Variants in ERG observed in about 807,000 individuals in gnomAD.
ERG encodes the protein ETS transcription factor ERG.
A neutral mutation model predicts 55.3 loss-of-function variants in ERG; 9 were observed. That is an observed-to-expected ratio of 0.16 (90% CI 0.10 to 0.28). The LOEUF is 0.28. ERG is among the 10% of genes least tolerant of loss of function. The probability of loss-of-function intolerance (pLI) is 1.00; values close to 1 mark genes in which losing one functional copy is unlikely to be tolerated. For missense variants in ERG, 434 were observed against 631.6 expected (o/e 0.69, Z 3.35); for synonymous variants, 223 against 237.3 (o/e 0.94, Z 0.55).
At chr21:38,642,343 G>C (rs2060430255) in intron 1 of ERG, among the ~76,000 whole-genome samples, 1 of 152,182 alleles carries the variant, frequency 6.6e-6, no homozygotes, top group African/African-American at 2.4e-5. Context: ...TTGTTCATCT[G>C]TATGCTCACG....
intron 2 of ERG, among the ~76,000 whole-genome samples, chr21:38,533,282 C>T (rs1024810213): frequency 1.3e-5 from 2 of 152,122 alleles, no homozygotes; most frequent in Non-Finnish European, 2.9e-5. Flanking sequence ...CAGTCATTCT[C>T]TTATGTAAAT....
chr21:38,427,161 T>A (rs947856181), intron 2 of ERG, among the ~76,000 whole-genome samples: 7 of 152,142 alleles, frequency 4.6e-5, no homozygotes. Flanking sequence ...GGCAGGCAGA[T>A]CACTTGAGGC....
At chr21:38,553,410 A>T (rs753534391) in intron 2 of ERG, among the ~76,000 whole-genome samples, 8 of 152,216 alleles carry the variant, frequency 5.3e-5, no homozygotes, top group Non-Finnish European at 1.0e-4. Flanking sequence ...AAGCTGAAGT[A>T]TCACACTACC....
At chr21:38,610,554 G>C (rs1003493384) in intron 1 of ERG, among the ~76,000 whole-genome samples, 15 of 147,374 alleles carry the variant, frequency 1.0e-4, no homozygotes, top group African/African-American at 4.0e-4. Context: ...TGTGTGTTTA[G>C]CAAGAGGGGC....
At chr21:38,438,945 C>T (rs2058815932) in intron 2 of ERG, among the ~76,000 whole-genome samples, 1 of 152,256 alleles carries the variant, frequency 6.6e-6, no homozygotes, top group Admixed American at 6.5e-5. Context: ...TAAGAAGCCG[C>T]ATCTCAAACA....
chr21:38,573,691 A>G (rs1012429269), intron 2 of ERG, among the ~76,000 whole-genome samples: 1 of 152,250 alleles, frequency 6.6e-6, no homozygotes, highest in Non-Finnish European at 1.5e-5. Flanking sequence ...AAATAATGAA[A>G]ATAATAATCA....
At chr21:38,588,899 A>T (rs563382992), upstream of ERG, among the ~76,000 whole-genome samples, 142 of 45,056 alleles carry the variant, frequency 3.2e-3, no homozygotes, top group East Asian at 0.016. Flanking sequence ...CTAATTTTTA[A>T]AAAAAAAATT....
chr21:38,475,231 G>A (rs1391271389), intron 1 of ERG, among the ~76,000 whole-genome samples: 1 of 152,198 alleles, frequency 6.6e-6, no homozygotes, highest in Non-Finnish European at 1.5e-5. Context: ...AGTGGCAAGG[G>A]ATGGGAGATG....
chr21:38,490,483 G>C (rs1320112642), intron 1 of ERG, among the ~76,000 whole-genome samples: 2 of 152,182 alleles, frequency 1.3e-5, no homozygotes, highest in African/African-American at 2.4e-5. Flanking sequence ...TCTCCTGTGA[G>C]GCTGTGGCTT....
intron 2 of ERG, among the ~76,000 whole-genome samples, chr21:38,425,872 G>C (rs1449550540): frequency 6.6e-6 from 1 of 152,212 alleles, no homozygotes; most frequent in African/African-American, 2.4e-5. Flanking sequence ...AGATGGAGAA[G>C]GTCATTCCAC....
At chr21:38,658,994 C>T (rs1353488555) in intron 1 of ERG, among the ~76,000 whole-genome samples, 1 of 152,242 alleles carries the variant, frequency 6.6e-6, no homozygotes, top group East Asian at 1.9e-4. Flanking sequence ...TCATGTACTA[C>T]AATTCTACTC....
chr21:38,657,651 G>A (rs539581621), intron 1 of ERG, among the ~76,000 whole-genome samples: 5 of 152,028 alleles, frequency 3.3e-5, no homozygotes, highest in Non-Finnish European at 5.9e-5. Context: ...GAACTGGTTT[G>A]GGTGACAGCC....
intron 6 of ERG, 22 bp downstream of exon 6, chr21:38,400,552 T>A: frequency 1.9e-6 from 3 of 1,583,338 alleles, no homozygotes; most frequent in Non-Finnish European, 2.6e-6. Flanking sequence ...AATGAAGAGA[T>A]CACACAGGGG....
the ERG span, among the ~76,000 whole-genome samples, chr21:38,371,903 T>C: frequency 6.6e-6 from 1 of 152,060 alleles, no homozygotes; most frequent in Non-Finnish European, 1.5e-5. Flanking sequence ...TTTTTTATAT[T>C]CTCCACCATA....
intron 1 of ERG, among the ~76,000 whole-genome samples, chr21:38,453,882 C>CAAAAAAAA (rs3065380): frequency 1.5e-5 from 2 of 129,844 alleles, no homozygotes; most frequent in Non-Finnish European, 1.6e-5. Context: ...AAAACTCCAT[C>CAAAAAAAA]AAAAAAAAAA....
At chr21:38,554,492 T>C (rs1216365467) in intron 2 of ERG, among the ~76,000 whole-genome samples, 1 of 152,052 alleles carries the variant, frequency 6.6e-6, no homozygotes, top group Non-Finnish European at 1.5e-5. Flanking sequence ...TACACAGCCA[T>C]AAAATAGAAT....
At position 38,391,058 on chromosome 21, in the gene ERG, A is replaced by G; in HGVS notation, c.872-16T>C. ...TGATAAGGATCTACAGCAAAAAGAAACAAAGTCAAATCCTAGACATAGTTG... is the reference window on the plus strand; with the variant it reads ...TGATAAGGATCTACAGCAAAAAGAAGCAAAGTCAAATCCTAGACATAGTTG... On this transcript the variant is annotated splice_polypyrimidine_tract_variant and intron_variant, in intron 8 of 9. Transcript: ENST00000288319. 1 of 1,607,774 alleles carries G rather than the reference A, an allele frequency of 6.2e-7. No homozygotes were observed.
chr21:38,519,377 G>A (rs910698837), intron 2 of ERG, among the ~76,000 whole-genome samples: 1 of 152,204 alleles, frequency 6.6e-6, no homozygotes, highest in African/African-American at 2.4e-5. Flanking sequence ...GGCAAGGGAG[G>A]TAGCAGTCAC....
At chr21:38,647,519 G>C (rs1300508254) in intron 1 of ERG, among the ~76,000 whole-genome samples, 1 of 152,122 alleles carries the variant, frequency 6.6e-6, no homozygotes, top group East Asian at 1.9e-4. Context: ...AAATTTTCAT[G>C]TGAGGAGGGA....
Sources: gnomAD v4.1 joint callset for allele counts (sites outside exome capture counted in the v4.1 genomes callset) on GRCh38, gnomAD v4.1.1 for gene constraint, MANE v1.5 for transcripts, NCBI Gene and HGNC (gene_info 2026-07-23, HGNC 2026-07-21) for gene names.